Variants in MSTO1 observed in about 807,000 individuals in gnomAD.
The protein encoded by MSTO1 is misato mitochondrial distribution and morphology regulator 1.
Under a neutral mutation model 55.7 loss-of-function variants are expected in MSTO1, and 24 were observed. That is an observed-to-expected ratio of 0.43 (90% CI 0.31 to 0.61). MSTO1 has a LOEUF of 0.61. Ranked by LOEUF, MSTO1 falls within the 20% of genes least tolerant of loss-of-function variation. MSTO1 has a pLI of 0.09. For missense variants in MSTO1, 363 were observed against 625.7 expected (o/e 0.58, Z 4.48); for synonymous variants, 162 against 252.8 (o/e 0.64, Z 3.41).
At chr1:155,607,466 G>A (rs530143366), upstream of MSTO1, among the ~76,000 whole-genome samples, 3 of 152,274 alleles carry the variant, frequency 2.0e-5, no homozygotes, top group South Asian at 2.1e-4. Context: ...GAGCCACCGC[G>A]CCTAGCCGAG....
At chr1:155,581,574 T>C in the MSTO1 span, among the ~76,000 whole-genome samples, 3 of 151,740 alleles carry the variant, frequency 2.0e-5, no homozygotes, top group African/African-American at 7.3e-5. Context: ...ACCTCGCCCA[T>C]CTAATTTTTG....
At chr1:155,586,380 G>T in the MSTO1 span, among the ~76,000 whole-genome samples, 2 of 151,546 alleles carry the variant, frequency 1.3e-5, no homozygotes, top group African/African-American at 4.8e-5. Flanking sequence ...GGCTTCAAAT[G>T]GTATCTCATT....
chr1:155,580,008 A>C, the MSTO1 span, among the ~76,000 whole-genome samples: 1 of 151,408 alleles, frequency 6.6e-6, no homozygotes, highest in East Asian at 2.0e-4. Flanking sequence ...CCCGGGAGGC[A>C]GAGGTTGCAG....
the MSTO1 span, among the ~76,000 whole-genome samples, chr1:155,583,222 CTTT>C: frequency 9.0e-5 from 12 of 133,850 alleles, no homozygotes; most frequent in African/African-American, 1.1e-4. Context: ...GAAGGTATAT[CTTT>C]TTTTTTTTTT....
the MSTO1 span, among the ~76,000 whole-genome samples, chr1:155,566,470 C>CA: frequency 6.6e-6 from 1 of 151,958 alleles, no homozygotes; most frequent in African/African-American, 2.4e-5. Flanking sequence ...CCCATCTCTA[C>CA]AAAAAATAAG....
At chr1:155,590,683 CTGG>C in the MSTO1 span, 4 of 1,492,166 alleles carry the variant, frequency 2.7e-6, no homozygotes, top group Non-Finnish European at 3.6e-6. Context: ...CATGTAATGG[CTGG>C]GGCCCCGTGA....
the MSTO1 span, among the ~76,000 whole-genome samples, chr1:155,572,597 A>T: frequency 6.6e-6 from 1 of 151,962 alleles, no homozygotes; most frequent in African/African-American, 2.4e-5. Context: ...CTGTAATCCC[A>T]AGCTACTCGG....
chr1:155,589,234 G>C, the MSTO1 span, among the ~76,000 whole-genome samples: 2 of 151,882 alleles, frequency 1.3e-5, no homozygotes, highest in East Asian at 3.9e-4. Flanking sequence ...AGAGGTGGAG[G>C]TTGCAGTGAG....
At chr1:155,609,243 A>ATATATAGATATATAT (rs59756178), upstream of MSTO1, among the ~76,000 whole-genome samples, 1 of 54,590 alleles carries the variant, frequency 1.8e-5, no homozygotes, top group Non-Finnish European at 3.0e-5. Flanking sequence ...ATATATATAT[A>ATATATAGATATATAT]TTTTTTTTTT....
the MSTO1 span, chr1:155,591,141 A>G: frequency 1.9e-6 from 3 of 1,613,426 alleles, no homozygotes; most frequent in Non-Finnish European, 8.5e-7. Flanking sequence ...CCTGGCCACC[A>G]CGATGCTGTT....
the MSTO1 span, among the ~76,000 whole-genome samples, chr1:155,571,813 C>T: frequency 4.6e-5 from 7 of 151,848 alleles, no homozygotes; most frequent in Admixed American, 1.3e-4. Context: ...TTTGGGAGGC[C>T]GAGGAGGGCA....
chr1:155,572,208 C>G, the MSTO1 span, among the ~76,000 whole-genome samples: 24 of 152,144 alleles, frequency 1.6e-4, no homozygotes, highest in Non-Finnish European at 2.1e-4. Context: ...TACCTGGCCT[C>G]TACTCACTCG....
upstream of MSTO1, chr1:155,609,928 A>G (rs1673453623): frequency 2.5e-6 from 1 of 402,264 alleles, no homozygotes; most frequent in Non-Finnish European, 4.5e-6. Context: ...ACAAGTAGGA[A>G]GCAGAGCCTT....
the MSTO1 span, among the ~76,000 whole-genome samples, chr1:155,576,073 C>T: frequency 7.9e-5 from 12 of 152,004 alleles, no homozygotes; most frequent in African/African-American, 2.7e-4. Context: ...CCGCCTGCTT[C>T]GGCCTCCCAA....
the MSTO1 span, among the ~76,000 whole-genome samples, chr1:155,578,596 C>T: frequency 7.4e-5 from 11 of 148,966 alleles, no homozygotes; most frequent in Admixed American, 6.7e-4. Context: ...CTGCAAGCTC[C>T]GCCTCCCAGG....
the MSTO1 span, chr1:155,563,369 G>A: frequency 4.4e-6 from 2 of 456,472 alleles, no homozygotes; most frequent in Non-Finnish European, 8.8e-6. Context: ...ACCGCTGAGG[G>A]AAAGGAGCGG....
At chr1:155,572,957 G>A in the MSTO1 span, among the ~76,000 whole-genome samples, 1 of 152,026 alleles carries the variant, frequency 6.6e-6, no homozygotes, top group East Asian at 1.9e-4. Context: ...TCAAAAAAAA[G>A]AATTCTTAGA....
the MSTO1 span, among the ~76,000 whole-genome samples, chr1:155,570,652 C>G: frequency 6.6e-6 from 1 of 152,122 alleles, no homozygotes; most frequent in South Asian, 2.1e-4. Context: ...GTTCACATAA[C>G]TTTTGTATGG....
rs1346391862 is a variant in MSTO1 at position 155,612,208 on chromosome 1, C to T, written c.705C>T (p.His235=). The change falls in exon 8 of 14, where the codon CAC becomes CAT. Residue 235 remains histidine (H), a synonymous_variant. Transcript: ENST00000245564. The stretch of plus-strand genomic sequence containing the variant: ...GCTTCCAGATCCTGTGTGACCTGCA[C>T]GATGGCTTCTCTGGGGTAGGCGCGA... ...LQGFQILCDL[H]DGFSGVGAKA... is the part of the protein sequence containing the mutation. The T allele has an allele frequency of 8.1e-6, 13 of 1,612,772 alleles. No homozygotes were observed. The highest frequency in any genetic ancestry group is 2.7e-5 in the African/African-American group (2 of 74,862).
Sources: gnomAD v4.1 joint callset for allele counts (sites outside exome capture counted in the v4.1 genomes callset) on GRCh38, gnomAD v4.1.1 for gene constraint, MANE v1.5 for transcripts, NCBI Gene and HGNC (gene_info 2026-07-23, HGNC 2026-07-21) for gene names.